NCOA1: variants seen among roughly 807,000 people sequenced by gnomAD.
NCOA1 encodes nuclear receptor coactivator 1.
NCOA1 carries 35 observed loss-of-function variants against 150.9 expected under a neutral mutation model. The ratio of observed to expected loss-of-function variants is 0.23; its 90% CI spans 0.18 to 0.31. The LOEUF (loss-of-function observed/expected upper bound fraction) is 0.31. NCOA1 is among the 10% of genes least tolerant of loss of function. The probability of loss-of-function intolerance (pLI) is 1.00; values close to 1 mark genes in which losing one functional copy is unlikely to be tolerated. For synonymous variants in NCOA1, 590 were observed against 630.0 expected (o/e 0.94, Z 0.95); for missense variants, 1,491 against 1,749.3 (o/e 0.85, Z 2.63).
intron 1 of NCOA1, among the ~76,000 whole-genome samples, chr2:24,514,619 A>T (rs1035558235): frequency 1.5e-4 from 23 of 152,064 alleles, no homozygotes; most frequent in African/African-American, 5.3e-4. Context: ...CCTGGGCAAC[A>T]TGGGGAAACT....
At chr2:24,559,808 C>T (rs1666224552) in intron 1 of NCOA1, among the ~76,000 whole-genome samples, 1 of 152,140 alleles carries the variant, frequency 6.6e-6, no homozygotes, top group Non-Finnish European at 1.5e-5. Context: ...CTACCCCTCT[C>T]CTAGCAACAT....
In NCOA1 at chr2:24,491,265, C is replaced by T. The variant is rs994922912; in HGVS notation, c.-733C>T. Among the ~76,000 whole-genome samples the T allele has an allele frequency of 1.4e-5, 2 of 145,542 alleles. No individual in the cohort carries two copies. The highest frequency in any genetic ancestry group is 6.8e-5 in the Admixed American group (1 of 14,690). On this transcript the variant is annotated 5_prime_UTR_variant, in exon 1 of 23. Transcript: ENST00000348332. ...GGGGCGGTGGCGGCGGCGGCGGTGGCGGCCGAGGAGGAGAACATGGCGGCC... is the reference window on the plus strand; with the variant it reads ...GGGGCGGTGGCGGCGGCGGCGGTGGTGGCCGAGGAGGAGAACATGGCGGCC...
chr2:24,531,458 T>C (rs1163301613), intron 1 of NCOA1, among the ~76,000 whole-genome samples: 3 of 152,212 alleles, frequency 2.0e-5, no homozygotes, highest in Non-Finnish European at 4.4e-5. Context: ...ATTTTCTTTT[T>C]CTTTTTTATT....
chr2:24,509,255 A>AT (rs1288025025), intron 1 of NCOA1, among the ~76,000 whole-genome samples: 1 of 152,232 alleles, frequency 6.6e-6, no homozygotes, highest in East Asian at 1.9e-4. Context: ...CAGAAATATT[A>AT]AAGTGTCCAA....
At position 24,744,519 on chromosome 2, in the gene NCOA1, C is replaced by T. The variant is rs1021788787; in HGVS notation, c.3706+2333C>T. On this transcript the variant is annotated intron_variant, in intron 19 of 22. Transcript: ENST00000348332. ...AACTTGCTCCAAATTGATCAGCAGT[C>T]TGGTAGAGGACCAGGTTTTGTGTTG... Among the ~76,000 whole-genome samples, 3 of 152,338 alleles carry T rather than the reference C, an allele frequency of 2.0e-5. No individual in the cohort carries two copies. In the East Asian group the frequency reaches 5.8e-4, roughly 29 times the overall value.
intron 10 of NCOA1, among the ~76,000 whole-genome samples, chr2:24,694,746 A>G (rs1266855995): frequency 3.3e-5 from 5 of 152,248 alleles, no homozygotes; most frequent in African/African-American, 1.2e-4. Flanking sequence ...TCTACCATGA[A>G]CAACACTGGA....
intron 7 of NCOA1, among the ~76,000 whole-genome samples, chr2:24,675,182 A>G (rs1227658052): frequency 2.6e-5 from 4 of 152,204 alleles, no homozygotes; most frequent in African/African-American, 7.2e-5. Context: ...TCTATATAAC[A>G]TATACACATA....
chr2:24,728,575 G>A, intron 16 of NCOA1, 99 bp downstream of exon 16: 1 of 1,001,908 alleles, frequency 1.0e-6, no homozygotes, highest in Non-Finnish European at 1.4e-6. Context: ...CTATGCTTTA[G>A]CTGTTTTATA....
intron 3 of NCOA1, among the ~76,000 whole-genome samples, chr2:24,634,228 G>A (rs1255134783): frequency 6.6e-6 from 1 of 152,106 alleles, no homozygotes; most frequent in Admixed American, 6.5e-5. Flanking sequence ...GAAGGAACAG[G>A]GTAGGCTTGA....
chr2:24,764,141 G>A (rs1246068957), intron 22 of NCOA1, among the ~76,000 whole-genome samples: 11 of 152,168 alleles, frequency 7.2e-5, no homozygotes, highest in Non-Finnish European at 1.6e-4. Flanking sequence ...GAACGAGGTA[G>A]TATTCCTTTT....
At chr2:24,665,977 G>A (rs1671401801) in intron 6 of NCOA1, 62 bp downstream of exon 6, 3 of 1,003,254 alleles carry the variant, frequency 3.0e-6, no homozygotes, top group African/African-American at 1.7e-5. Context: ...TATAATATGT[G>A]ATTTTACTTT....
intron 3 of NCOA1, among the ~76,000 whole-genome samples, chr2:24,637,077 C>CT (rs962970779): frequency 1.7e-4 from 26 of 150,292 alleles, no homozygotes; most frequent in South Asian, 8.4e-4. Context: ...TTTTTAAAAT[C>CT]TTTTTTTTAT....
intron 14 of NCOA1, among the ~76,000 whole-genome samples, chr2:24,719,476 A>G (rs573995760): frequency 7.6e-4 from 116 of 152,342 alleles, no homozygotes; most frequent in Middle Eastern, 3.4e-3. Context: ...TTTAGTTTAG[A>G]AATATCTGAG....
chr2:24,666,975 T>C (rs1305922674), intron 6 of NCOA1, among the ~76,000 whole-genome samples: 1 of 152,072 alleles, frequency 6.6e-6, no homozygotes, highest in East Asian at 1.9e-4. Flanking sequence ...GCTGGCCCCA[T>C]GGGAGTGCCA....
chr2:24,726,628 T>C lies in NCOA1; in HGVS notation c.2639T>C (p.Phe880Ser), dbSNP rs750560943. The C allele has an allele frequency of 1.4e-5, 23 of 1,610,254 alleles. No individual in the cohort carries two copies. In the East Asian group the frequency reaches 4.7e-4, roughly 33 times the overall value. The part of the protein sequence containing the change: ...ELELEAIDNQ[F>S]GQPGTGDQIP... ...GAATTGGAAGCAATTGATAACCAAT[T>C]TGGACAACCAGGAACAGGCGATCAG... is the stretch of plus-strand genomic sequence containing the variant. The change falls in exon 15 of 23, where the codon TTT (phenylalanine) becomes TCT (serine). Residue 880 changes from phenylalanine (F) to serine (S), a missense_variant. By Grantham distance (155) the Phe-to-Ser change is radical (BLOSUM62 -2). Coordinates refer to ENST00000348332, the MANE Select transcript of NCOA1 (RefSeq NM_003743.5).
rs1458391985 is a variant in NCOA1 at position 24,599,914 on chromosome 2, A to G, written c.-175+15354A>G. 4.6e-5 allele frequency among the ~76,000 whole-genome samples: 7 copies of G among 151,934 alleles called. No homozygotes were observed. In the East Asian group the frequency reaches 1.4e-3, roughly 29 times the overall value. ...TCCGGCAAATTTTTGTATTTTTAGT[A>G]GAGATGGGGTTTCACCATGTTGGCC... On this transcript the variant is annotated intron_variant, in intron 3 of 22. Transcript: ENST00000348332.
intron 2 of NCOA1, among the ~76,000 whole-genome samples, chr2:24,578,242 T>G (rs145730766): frequency 6.6e-6 from 1 of 152,296 alleles, no homozygotes; most frequent in African/African-American, 2.4e-5. Context: ...TAATAAGTTT[T>G]GGGATGATCA....
intron 15 of NCOA1, among the ~76,000 whole-genome samples, chr2:24,727,138 CAAAAAAAAAAA>C (rs755486331): frequency 6.9e-5 from 3 of 43,264 alleles, no homozygotes; most frequent in East Asian, 6.8e-4. Flanking sequence ...AACTCTGTCT[CAAAAAAAAAAA>C]AAAAAAAAAA....
chr2:24,522,328 G>T (rs1315569201), intron 1 of NCOA1, among the ~76,000 whole-genome samples: 1 of 152,060 alleles, frequency 6.6e-6, no homozygotes, highest in African/African-American at 2.4e-5. Flanking sequence ...TTATCATTTA[G>T]TTTATTCCTA....
Sources: gnomAD v4.1 joint callset for allele counts (sites outside exome capture counted in the v4.1 genomes callset) on GRCh38, gnomAD v4.1.1 for gene constraint, MANE v1.5 for transcripts, NCBI Gene and HGNC (gene_info 2026-07-23, HGNC 2026-07-21) for gene names.